DNAI3: variants seen among roughly 807,000 people sequenced by gnomAD.
DNAI3 encodes dynein axonemal intermediate chain 3, also known as WD repeat domain 63.
Under a neutral mutation model 115.5 loss-of-function variants are expected in DNAI3, and 83 were observed. That is an observed-to-expected ratio of 0.72 (90% CI 0.60 to 0.86). The LOEUF (loss-of-function observed/expected upper bound fraction) is 0.86, where lower values mean the gene tolerates loss of function less well. Ranked by LOEUF, DNAI3 falls within the 40% of genes least tolerant of loss-of-function variation. DNAI3 has a pLI of 0.00. For missense variants in DNAI3, 1,004 were observed against 1,075.8 expected, an observed-to-expected ratio of 0.93 and a Z score of 0.93; for synonymous variants, 320 against 347.0, an observed-to-expected ratio of 0.92 and a Z score of 0.86.
rs1656391516 is a variant in DNAI3, at chr1:85,133,084, A to G, written c.*86A>G. 2.9e-6 allele frequency: 4 copies of G among 1,368,542 alleles called. No homozygotes were observed. Among genetic ancestry groups the G allele is most frequent in the African/African-American group, 2.9e-5 (2 of 68,048 alleles). The allele number at this position is 1,368,542 out of a possible 1,614,324, so 84.8% of individuals were successfully genotyped here. ...GAACTGGCATGCTGAACATATATAT[A>G]TATAGGCTCATTTATAGACTTTTAT... On this transcript the variant is annotated 3_prime_UTR_variant, in exon 23 of 23. Transcript: ENST00000294664.
rs570740972 is a variant in DNAI3, at chr1:85,102,356, A to T, written c.1480-2168A>T. On this transcript the variant is annotated intron_variant, in intron 13 of 22. Transcript: ENST00000294664. ...GTCCATCGGCTATGCATCAATAAAA[A>T]ATAAAAAGTAAAGAAGAAATAACAA... is the stretch of plus-strand genomic sequence containing the variant. Among the ~76,000 whole-genome samples, 3 of 152,300 alleles carry T rather than the reference A, an allele frequency of 2.0e-5. No homozygotes were observed. In the South Asian group the frequency reaches 6.2e-4, roughly 32 times the overall value.
intron 1 of DNAI3, among the ~76,000 whole-genome samples, chr1:85,068,689 C>A (rs930903778): frequency 6.6e-6 from 1 of 152,166 alleles, no homozygotes. Context: ...CCTAGCCCCC[C>A]TTGTGGTATA....
At chr1:85,094,606 A>C in intron 10 of DNAI3, 51 bp downstream of exon 10, 1 of 1,595,124 alleles carries the variant, frequency 6.3e-7, no homozygotes, top group Non-Finnish European at 8.5e-7. Context: ...TACTACTTTC[A>C]TGTATACCTT....
chr1:85,072,217 G>A (rs1388991530), intron 2 of DNAI3, among the ~76,000 whole-genome samples: 36 of 152,172 alleles, frequency 2.4e-4, no homozygotes, highest in Admixed American at 2.0e-3. Flanking sequence ...GAATGCTGTA[G>A]TAAACATGTC....
At chr1:85,121,372 T>G (rs1474720978) in intron 17 of DNAI3, among the ~76,000 whole-genome samples, 1 of 152,256 alleles carries the variant, frequency 6.6e-6, no homozygotes, top group African/African-American at 2.4e-5. Context: ...CACAAATATT[T>G]ATTAACAATT....
At chr1:85,104,232 C>T (rs931305846) in intron 13 of DNAI3, among the ~76,000 whole-genome samples, 4 of 151,644 alleles carry the variant, frequency 2.6e-5, no homozygotes, top group African/African-American at 4.8e-5. Context: ...GCCGTTCTCC[C>T]GCCTCAGCCT....
At chr1:85,114,691 C>A (rs1017765454) in intron 16 of DNAI3, among the ~76,000 whole-genome samples, 3 of 152,208 alleles carry the variant, frequency 2.0e-5, no homozygotes, top group African/African-American at 7.2e-5. Context: ...TCTGACCAGA[C>A]TTGGCCCTGT....
chr1:85,124,375 T>C lies in DNAI3; in HGVS notation c.2112+124T>C. 2.3e-6 allele frequency: 3 copies of C among 1,303,420 alleles called. 1 individual carries two copies. The highest frequency in any genetic ancestry group is 2.6e-5 in the South Asian group (2 of 78,072). 80.7% of individuals were successfully genotyped at this position (1,303,420 alleles called of 1,614,324 possible). A position where few individuals can be genotyped will look rare whatever the true frequency, so the allele number is the denominator to read the frequency against. ...CACTTTTTAGAGAAATTAGAACAGA[T>C]GGCAGGGACACCAGCTTGTCAGCAG... is the stretch of plus-strand genomic sequence containing the variant. On this transcript the variant is annotated intron_variant, in intron 19 of 22. Transcript: ENST00000294664.
intron 13 of DNAI3, among the ~76,000 whole-genome samples, chr1:85,099,873 A>T (rs892655342): frequency 2.0e-5 from 3 of 152,196 alleles, no homozygotes; most frequent in African/African-American, 4.8e-5. Context: ...CAATGGGGAA[A>T]GGATTCCCTA....
At chr1:85,125,613 A>T (rs1287482638) in intron 19 of DNAI3, among the ~76,000 whole-genome samples, 1 of 152,036 alleles carries the variant, frequency 6.6e-6, no homozygotes, top group Non-Finnish European at 1.5e-5. Flanking sequence ...TTGTCCAAAG[A>T]CTATGCCAGG....
At chr1:85,082,028 T>C (rs955048167) in intron 4 of DNAI3, among the ~76,000 whole-genome samples, 2 of 152,258 alleles carry the variant, frequency 1.3e-5, no homozygotes, top group African/African-American at 4.8e-5. Flanking sequence ...TTTATCTCTA[T>C]GCATGCTACA....
In DNAI3 at chr1:85,081,351, T is replaced by C. The variant is rs752700346; in HGVS notation, c.221T>C (p.Ile74Thr). The C allele has an allele frequency of 2.5e-6, 4 of 1,603,096 alleles. No homozygotes were observed. The Admixed American group carries it at 7.0e-5, about 28-fold the overall frequency. Reference protein sequence around the residue: ...QPYKLINKEDIFEDLRNRAAV... With the variant: ...QPYKLINKEDTFEDLRNRAAV... Reference sequence around the variant, plus strand: ...TATAAGCTTATCAATAAAGAAGACATTTTTGAGGACCTGCGCAACAGAGCT... The same window carrying C: ...TATAAGCTTATCAATAAAGAAGACACTTTTGAGGACCTGCGCAACAGAGCT... The change falls in exon 4 of 23, where the codon ATT becomes ACT. Residue 74 changes from isoleucine (I) to threonine (T), a missense_variant. By Grantham distance (89) the Ile-to-Thr change is moderately conservative. Coordinates refer to ENST00000294664, the MANE Select transcript of DNAI3 (RefSeq NM_145172.5).
chr1:85,132,884 G>T lies in DNAI3; in HGVS notation c.2562G>T (p.Met854Ile). The T allele has an allele frequency of 1.2e-6, 2 of 1,613,702 alleles. No homozygotes were observed. The highest frequency in any genetic ancestry group is 1.7e-6 in the Non-Finnish European group (2 of 1,179,814). The change falls in exon 23 of 23, where the codon ATG becomes ATT. Residue 854 changes from methionine to isoleucine, a missense_variant. By Grantham distance (10) the Met-to-Ile change is conservative. Coordinates refer to ENST00000294664, the MANE Select transcript of DNAI3 (RefSeq NM_145172.5). ...VKTYQKSKEQ[M>I]QAELKMDYES... ...CATATCAGAAGTCAAAAGAACAAAT[G>T]CAGGCTGAATTAAAAATGGACTATG...
chr1:85,119,764 C>T (rs1203811967), intron 17 of DNAI3, among the ~76,000 whole-genome samples: 1 of 151,942 alleles, frequency 6.6e-6, no homozygotes, highest in Non-Finnish European at 1.5e-5. Flanking sequence ...GTGGCACGAT[C>T]TCGGCTTATT....
At chr1:85,119,002 A>G (rs1197278844) in intron 17 of DNAI3, among the ~76,000 whole-genome samples, 2 of 152,194 alleles carry the variant, frequency 1.3e-5, no homozygotes, top group Admixed American at 6.5e-5. Context: ...TTGGAATCCA[A>G]TACTGAAGAG....
chr1:85,121,671 G>A (rs1655997409), intron 17 of DNAI3, 80 bp from the exon 18 acceptor site: 7 of 1,313,870 alleles, frequency 5.3e-6, no homozygotes, highest in Non-Finnish European at 7.5e-6. Flanking sequence ...TTGCTTAACA[G>A]TCAATCTTAG....
chr1:85,124,371 C>T, intron 19 of DNAI3, 120 bp downstream of exon 19: 2 of 1,368,062 alleles, frequency 1.5e-6, no homozygotes, highest in East Asian at 4.6e-5. Flanking sequence ...GAAATTAGAA[C>T]AGATGGCAGG....
At chr1:85,117,369 T>C (rs940052203) in intron 16 of DNAI3, among the ~76,000 whole-genome samples, 1 of 152,188 alleles carries the variant, frequency 6.6e-6, no homozygotes, top group African/African-American at 2.4e-5. Context: ...CTTAAATAAA[T>C]AACATTTATT....
In DNAI3 at chr1:85,124,191, CA is replaced by C; in HGVS notation, c.2054del (p.Asn685ThrfsTer20). 6.2e-7 allele frequency: 1 copy of C among 1,614,196 alleles called. No individual in the cohort carries two copies. The highest frequency in any genetic ancestry group is 8.5e-7 in the Non-Finnish European group (1 of 1,180,034). On this transcript the variant is annotated frameshift_variant, in exon 19 of 23. Coordinates refer to ENST00000294664, the MANE Select transcript of DNAI3 (RefSeq NM_145172.5). LOFTEE classifies it high-confidence loss of function. Reference protein sequence around the residue: ...VHTIQRSPFYNDIILTVGGWN... With the variant: ...VHTIQRSPFYXDIILTVGGWN... ...ACACTATTCAGAGATCACCTTTCTA[CA>C]ACGACATTATTCTCACGGTTGGAGG... is the stretch of plus-strand genomic sequence containing the variant.
Sources: allele counts gnomAD v4.1 joint callset (sites outside exome capture counted in the v4.1 genomes callset), GRCh38; gene constraint gnomAD v4.1.1; transcripts MANE v1.5; gene names NCBI Gene and HGNC (gene_info 2026-07-23, HGNC 2026-07-21).